Variants in PKD1L3 observed in about 807,000 individuals in gnomAD.
PKD1L3 encodes the protein polycystin 1 like 3, transient receptor potential channel interacting.
In PKD1L3, 239 loss-of-function variants were observed where a neutral mutation model predicts 184.1. The ratio of observed to expected loss-of-function variants is 1.30; its 90% confidence interval spans 1.17 to 1.45. PKD1L3 has a LOEUF of 1.45. Ranked by LOEUF, PKD1L3 falls within the 40% of genes most tolerant of loss-of-function variation. PKD1L3 has a pLI of 0.00. For missense variants in PKD1L3, 2,660 were observed against 2,067.2 expected (o/e 1.29, Z -5.56); for synonymous variants, 996 against 778.8 (o/e 1.28, Z -4.64).
intron 5 of PKD1L3, among the ~76,000 whole-genome samples, chr16:71,985,860 C>T (rs1246137289): frequency 1.3e-5 from 2 of 152,184 alleles, no homozygotes; most frequent in East Asian, 3.8e-4. Context: ...CTCAGTGAGC[C>T]TGGCTGCCTT....
At chr16:71,997,082 G>C (rs927113506) in intron 2 of PKD1L3, among the ~76,000 whole-genome samples, 3 of 151,964 alleles carry the variant, frequency 2.0e-5, no homozygotes, top group Non-Finnish European at 4.4e-5. Flanking sequence ...AGTCACCCGG[G>C]AGAGTGGAAA....
chr16:71,936,519 CTTTTTTTTTTTT>C (rs397785025), intron 25 of PKD1L3, among the ~76,000 whole-genome samples: 1 of 123,528 alleles, frequency 8.1e-6, no homozygotes, highest in Non-Finnish European at 1.7e-5. Flanking sequence ...TTTTTTTTTT[CTTTTTTTTTTTT>C]TTTTTGAGAT....
At chr16:71,989,396 G>T (rs192085310) in intron 4 of PKD1L3, among the ~76,000 whole-genome samples, 1 of 152,110 alleles carries the variant, frequency 6.6e-6, no homozygotes, top group South Asian at 2.1e-4. Flanking sequence ...CAGGTGATCC[G>T]CCCGCCTCGG....
chr16:71,972,010 A>G (rs1240102482), intron 12 of PKD1L3, among the ~76,000 whole-genome samples: 1 of 151,688 alleles, frequency 6.6e-6, no homozygotes, highest in East Asian at 1.9e-4. Flanking sequence ...AGGACAGGAG[A>G]TCGAGACCAT....
chr16:71,998,435 G>A lies in PKD1L3; in HGVS notation c.296-41C>T, dbSNP rs1459390810. ...ACGCAGATGAGCCTCATACTCGAAAGCCAGGCTTTTAGGTTTATTTTTTAT... is the reference window on the plus strand; with the variant it reads ...ACGCAGATGAGCCTCATACTCGAAAACCAGGCTTTTAGGTTTATTTTTTAT... On this transcript the variant is annotated intron_variant, in intron 1 of 29. Transcript: ENST00000620267. 6 of 1,523,642 alleles carry A rather than the reference G, an allele frequency of 3.9e-6. No individual in the cohort carries two copies. The South Asian group carries it at 7.5e-5, about 19-fold the overall frequency. The allele number at this position is 1,523,642 out of a possible 1,614,324, so 94.4% of individuals were successfully genotyped here.
rs1206815385 is a variant in PKD1L3 at position 71,993,257 on chromosome 16, G to C, written c.494C>G (p.Thr165Arg). The C allele has an allele frequency of 1.3e-6, 2 of 1,549,758 alleles. No homozygotes were observed. Among genetic ancestry groups the C allele is most frequent in the Admixed American group, 4.0e-5 (2 of 50,526 alleles). ...TCTTGCTATTGCAACTCCTCTTTTT[G>C]TCTTCTTGTGTCTCTGGTACAAATG... ...NSHLYQRHKK[T>R]KRGVAIARDK... is the part of the protein sequence containing the mutation. The change falls in exon 3 of 30, where the codon ACA becomes AGA. Residue 165 changes from threonine (T) to arginine (R), a missense_variant. Coordinates refer to ENST00000620267, the MANE Select transcript of PKD1L3 (RefSeq NM_181536.2).
rs1434404901 is a variant in PKD1L3, at chr16:71,950,198, G to A, written c.3303C>T (p.Phe1101=). ...GLTQGHQSCD[F]LDAASQLQKL... ...TTTGAAGTTGGCTGGCTGCATCTAGGAAGTCACAGGACTGGTGACCCTGGG... is the reference window on the plus strand; with the variant it reads ...TTTGAAGTTGGCTGGCTGCATCTAGAAAGTCACAGGACTGGTGACCCTGGG... The change falls in exon 20 of 30, where the codon TTC becomes TTT. Residue 1101 remains phenylalanine, a synonymous_variant. Coordinates refer to ENST00000620267, the MANE Select transcript of PKD1L3 (RefSeq NM_181536.2). The A allele has an allele frequency of 3.9e-6, 6 of 1,552,158 alleles. No homozygotes were observed. The highest frequency in any genetic ancestry group is 5.2e-6 in the Non-Finnish European group (6 of 1,147,142).
chr16:71,947,678 A>G (rs1300643425), intron 21 of PKD1L3, 87 bp from the exon 22 acceptor site: 2 of 850,304 alleles, frequency 2.4e-6, no homozygotes, highest in African/African-American at 3.4e-5. Context: ...GTGGGCACTC[A>G]TGAAAAACTT....
chr16:71,975,667 T>A (rs1054772043), intron 11 of PKD1L3, among the ~76,000 whole-genome samples: 2 of 152,316 alleles, frequency 1.3e-5, no homozygotes, highest in Admixed American at 1.3e-4. Context: ...AACCATTAAC[T>A]AGATTCTACA....
chr16:71,975,328 C>A (rs770961739), intron 11 of PKD1L3, among the ~76,000 whole-genome samples: 2 of 151,524 alleles, frequency 1.3e-5, no homozygotes, highest in East Asian at 3.9e-4. Flanking sequence ...AAAGTGCTGG[C>A]GTTACAGGGG....
intron 17 of PKD1L3, among the ~76,000 whole-genome samples, chr16:71,953,606 T>A (rs116088328): frequency 0.01 from 1,555 of 152,328 alleles, 29 homozygotes; most frequent in African/African-American, 0.035. Context: ...CACTTTTTTT[T>A]AATCCCCGAG....
intron 16 of PKD1L3, among the ~76,000 whole-genome samples, chr16:71,955,323 T>C (rs913647477): frequency 2.0e-5 from 3 of 151,454 alleles, no homozygotes; most frequent in African/African-American, 4.8e-5. Context: ...AGAGGGAAAG[T>C]AATAATCCAG....
intron 28 of PKD1L3, chr16:71,931,043 A>C (rs1231970854): frequency 7.2e-5 from 11 of 152,140 alleles, no homozygotes; most frequent in Non-Finnish European, 1.5e-4. Flanking sequence ...CTTATTTCCA[A>C]TAAGTTTATT....
chr16:71,951,732 T>C lies in PKD1L3; in HGVS notation c.3022A>G (p.Thr1008Ala), dbSNP rs1391193826. ...ATMVVEELKE[T>A]VRFLLRRNTY... is the part of the protein sequence containing the mutation. ...TTTCTCCTGAGCAGGAATCTCACAG[T>C]TTCCTTTAATTCCTGAATGTAGGAC... The change falls in exon 19 of 30, where the codon ACT becomes GCT. Residue 1008 changes from threonine to alanine, a missense_variant. By Grantham distance (58) the Thr-to-Ala change is moderately conservative. Transcript: ENST00000620267. 1.3e-6 allele frequency: 2 copies of C among 1,549,570 alleles called. No individual in the cohort carries two copies. The highest frequency in any genetic ancestry group is 1.7e-6 in the Non-Finnish European group (2 of 1,146,342).
At chr16:71,937,507 T>C (rs2038222026) in intron 24 of PKD1L3, 88 bp from the exon 25 acceptor site, 2 of 1,388,610 alleles carry the variant, frequency 1.4e-6, no homozygotes, top group Admixed American at 2.4e-5. Context: ...ACCCCAACTC[T>C]TCCTGTATCA....
At chr16:71,976,544 A>T (rs1277203342) in intron 11 of PKD1L3, among the ~76,000 whole-genome samples, 1 of 151,730 alleles carries the variant, frequency 6.6e-6, no homozygotes, top group Non-Finnish European at 1.5e-5. Context: ...GGTATGAGCC[A>T]CTCTGCCTGG....
intron 15 of PKD1L3, among the ~76,000 whole-genome samples, chr16:71,964,261 A>C (rs1364241434): frequency 7.2e-6 from 1 of 138,662 alleles, no homozygotes; most frequent in Non-Finnish European, 1.5e-5. Flanking sequence ...TATTTTCCCC[A>C]AGGGTCTGTG....
chr16:71,969,455 AC>A (rs2039626786), intron 13 of PKD1L3, among the ~76,000 whole-genome samples: 1 of 142,254 alleles, frequency 7.0e-6, no homozygotes, highest in South Asian at 2.2e-4. Context: ...ACAAGCATGC[AC>A]CACCATGCCA....
intron 9 of PKD1L3, among the ~76,000 whole-genome samples, chr16:71,979,433 G>C (rs2040061651): frequency 6.6e-6 from 1 of 151,042 alleles, no homozygotes; most frequent in African/African-American, 2.4e-5. Flanking sequence ...GACAGATTGA[G>C]ACTCCATCTC....
Sources: gnomAD v4.1 joint callset for allele counts (sites outside exome capture counted in the v4.1 genomes callset) on GRCh38, gnomAD v4.1.1 for gene constraint, MANE v1.5 for transcripts, NCBI Gene and HGNC (gene_info 2026-07-23, HGNC 2026-07-21) for gene names.